SLC7A6: variants seen among roughly 807,000 people sequenced by gnomAD.
The protein encoded by SLC7A6 is Y+L amino acid transporter 2.
In SLC7A6, 29 loss-of-function variants were observed where a neutral mutation model predicts 46.6. That is an observed-to-expected ratio of 0.62 (90% CI 0.46 to 0.85). The LOEUF is 0.85. Ranked by LOEUF, SLC7A6 falls within the 40% of genes least tolerant of loss-of-function variation. SLC7A6 has a pLI of 0.00. For missense variants in SLC7A6, 527 were observed against 647.6 expected (o/e 0.81, Z 2.02); for synonymous variants, 276 against 257.3 (o/e 1.07, Z -0.70).
chr16:68,288,184 G>T (rs2151226484), intron 4 of SLC7A6, among the ~76,000 whole-genome samples: 1 of 152,252 alleles, frequency 6.6e-6, no homozygotes, highest in South Asian at 2.1e-4. Flanking sequence ...AATCTGTGGG[G>T]ATAGAGTGGC....
chr16:68,293,512 C>A (rs1433068720), intron 7 of SLC7A6, among the ~76,000 whole-genome samples: 1 of 152,222 alleles, frequency 6.6e-6, no homozygotes, highest in Non-Finnish European at 1.5e-5. Flanking sequence ...GACACCCTAG[C>A]CTCCCCCTGC....
intron 3 of SLC7A6, among the ~76,000 whole-genome samples, chr16:68,277,784 C>T (rs1029459916): frequency 6.6e-6 from 1 of 151,172 alleles, no homozygotes; most frequent in Non-Finnish European, 1.5e-5. Flanking sequence ...TGTGCCACCA[C>T]ACCTGGCTAA....
At chr16:68,287,536 T>C in intron 3 of SLC7A6, 1 of 1,433,566 alleles carries the variant, frequency 7.0e-7, no homozygotes, top group Non-Finnish European at 9.2e-7. Context: ...TTCATATCCT[T>C]GAGCACCAGT....
Position 68,291,543 on chromosome 16 carries a change from G to C in SLC7A6, c.919-15G>C. 1.2e-6 allele frequency: 2 copies of C among 1,613,670 alleles called. No homozygotes were observed. Among genetic ancestry groups the C allele is most frequent in the African/African-American group, 2.7e-5 (2 of 75,016 alleles). ...CCCTGTGCGTTTAAGTGCCTTTTCT[G>C]TGCCCTGCCCCCAGACATTTGCTGA... On this transcript the variant is annotated splice_polypyrimidine_tract_variant and intron_variant, in intron 6 of 10. Coordinates refer to ENST00000219343, the MANE Select transcript of SLC7A6 (RefSeq NM_003983.6).
chr16:68,297,289 T>C lies in SLC7A6; in HGVS notation c.1509T>C (p.Asp503=), dbSNP rs2043190799. The change falls in exon 11 of 11, where the codon GAT becomes GAC. Residue 503 remains aspartate, a synonymous_variant. Coordinates refer to ENST00000219343, the MANE Select transcript of SLC7A6 (RefSeq NM_003983.6). ...QLCFCVLTEL[D]VAEEKKDERK... ...GCTTTTGTGTCCTGACTGAGCTTGATGTAGCCGAAGAAAAAAAGGATGAGA... is the reference window on the plus strand; with the variant it reads ...GCTTTTGTGTCCTGACTGAGCTTGACGTAGCCGAAGAAAAAAAGGATGAGA... 2 of 1,614,000 alleles carry C rather than the reference T, an allele frequency of 1.2e-6. No individual in the cohort carries two copies. The highest frequency in any genetic ancestry group is 1.7e-5 in the Admixed American group (1 of 59,990).
intron 2 of SLC7A6, among the ~76,000 whole-genome samples, chr16:68,268,988 C>T (rs1055889254): frequency 6.6e-6 from 1 of 151,350 alleles, no homozygotes; most frequent in Non-Finnish European, 1.5e-5. Context: ...GCGTGGGCAA[C>T]GAGCGAAACT....
rs1190702117 is a variant in SLC7A6 at position 68,291,677 on chromosome 16, G to A, written c.1022+16G>A. On this transcript the variant is annotated intron_variant, in intron 7 of 10. Coordinates refer to ENST00000219343, the MANE Select transcript of SLC7A6 (RefSeq NM_003983.6). ...CTTCATCAAGGTACTGTGTCTCTGT[G>A]TCACTGATAATAGACCACAATATTT... 1.9e-6 allele frequency: 3 copies of A among 1,607,070 alleles called. No homozygotes were observed. The highest frequency in any genetic ancestry group is 1.3e-5 in the African/African-American group (1 of 74,716).
chr16:68,287,440 G>A, intron 3 of SLC7A6: 1 of 1,327,482 alleles, frequency 7.5e-7, no homozygotes, highest in African/African-American at 1.5e-5. Context: ...GAAAGAGTAG[G>A]TGAAATCACC....
In SLC7A6 at chr16:68,297,539, G is replaced by A; in HGVS notation, c.*211G>A. The A allele has an allele frequency of 1.4e-5, 3 of 207,608 alleles. No homozygotes were observed. Among genetic ancestry groups the A allele is most frequent in the South Asian group, 6.0e-5 (1 of 16,804 alleles). 12.9% of individuals were successfully genotyped at this position (207,608 alleles called of 1,614,324 possible). A position where few individuals can be genotyped will look rare whatever the true frequency, so the allele number is the denominator to read the frequency against. The stretch of plus-strand genomic sequence containing the variant: ...AGGTGGGGGCTTCAGAGGGTGGGGG[G>A]AAGATTGGGGAACGGGGGGAATGGT... On this transcript the variant is annotated 3_prime_UTR_variant, in exon 11 of 11. Coordinates refer to ENST00000219343, the MANE Select transcript of SLC7A6 (RefSeq NM_003983.6).
chr16:68,278,346 C>T (rs905574093), intron 3 of SLC7A6, among the ~76,000 whole-genome samples: 3 of 149,416 alleles, frequency 2.0e-5, no homozygotes, highest in African/African-American at 7.4e-5. Flanking sequence ...GGGTGTTTCT[C>T]GCAGAGGGGG....
chr16:68,277,174 C>A (rs963966094), intron 3 of SLC7A6, among the ~76,000 whole-genome samples: 3 of 151,210 alleles, frequency 2.0e-5, no homozygotes, highest in African/African-American at 7.3e-5. Flanking sequence ...GCAACCTCTG[C>A]CTCCTGGGTT....
At chr16:68,270,219 C>T (rs2042602731) in intron 2 of SLC7A6, among the ~76,000 whole-genome samples, 1 of 152,032 alleles carries the variant, frequency 6.6e-6, no homozygotes, top group Non-Finnish European at 1.5e-5. Flanking sequence ...TTAAGCAGGC[C>T]CTGTTTGTTT....
intron 2 of SLC7A6, among the ~76,000 whole-genome samples, chr16:68,267,556 C>T (rs1437521571): frequency 1.3e-5 from 2 of 152,138 alleles, no homozygotes; most frequent in Non-Finnish European, 2.9e-5. Flanking sequence ...TCTGTGTTTT[C>T]ACCATAGTTA....
intron 4 of SLC7A6, among the ~76,000 whole-genome samples, chr16:68,288,720 C>A (rs895686473): frequency 4.6e-5 from 7 of 152,014 alleles, no homozygotes; most frequent in Non-Finnish European, 1.0e-4. Context: ...AATCCTAACA[C>A]TTTGGGAGGC....
intron 2 of SLC7A6, among the ~76,000 whole-genome samples, chr16:68,267,228 T>G (rs2042549904): frequency 6.7e-6 from 1 of 148,496 alleles, no homozygotes; most frequent in African/African-American, 2.5e-5. Flanking sequence ...TTTTTTTTTT[T>G]TTTGAGAAGG....
chr16:68,276,766 G>A (rs2042719386), intron 3 of SLC7A6, among the ~76,000 whole-genome samples: 1 of 152,164 alleles, frequency 6.6e-6, no homozygotes, highest in Non-Finnish European at 1.5e-5. Flanking sequence ...GGGAGGCTGA[G>A]GTAGGAGGAT....
chr16:68,285,354 A>G (rs1405086956), intron 3 of SLC7A6, among the ~76,000 whole-genome samples: 3 of 152,184 alleles, frequency 2.0e-5, no homozygotes, highest in Non-Finnish European at 2.9e-5. Context: ...TGGCTACTGT[A>G]CTGTGTAGGG....
intron 3 of SLC7A6, among the ~76,000 whole-genome samples, chr16:68,281,264 C>T (rs2042824141): frequency 1.3e-5 from 2 of 152,122 alleles, no homozygotes; most frequent in Admixed American, 6.5e-5. Context: ...TTTATTTTAC[C>T]TACTAATTAT....
At chr16:68,289,200 G>A (rs2042998501) in intron 4 of SLC7A6, among the ~76,000 whole-genome samples, 1 of 152,076 alleles carries the variant, frequency 6.6e-6, no homozygotes, top group South Asian at 2.1e-4. Flanking sequence ...GGCTGAGGCA[G>A]GAGAATCGCC....
Sources: allele counts gnomAD v4.1 joint callset (sites outside exome capture counted in the v4.1 genomes callset), GRCh38; gene constraint gnomAD v4.1.1; transcripts MANE v1.5; gene names NCBI Gene and HGNC (gene_info 2026-07-23, HGNC 2026-07-21).